Variants in SRPX observed in about 807,000 individuals in gnomAD.
SRPX encodes the protein sushi repeat containing protein X-linked.
In SRPX, 24 loss-of-function variants were observed where a neutral mutation model predicts 38.1. The ratio of observed to expected loss-of-function variants is 0.63; its 90% CI spans 0.46 to 0.89. The LOEUF is 0.89. Among genes scored for constraint, SRPX ranks in the 40% least tolerant of loss-of-function variants. The pLI is 0.00. For missense variants in SRPX, 416 were observed against 377.8 expected (o/e 1.10, Z -0.84); for synonymous variants, 184 against 153.8 (o/e 1.20, Z -1.45).
At chrX:38,219,357 C>T (rs1372224642) in intron 1 of SRPX, among the ~76,000 whole-genome samples, 4 of 110,628 alleles carry the variant, frequency 3.6e-5, no homozygotes, top group Non-Finnish European at 7.6e-5. Flanking sequence ...CAGAAAGCTG[C>T]TTCTGGGACG....
rs942614511 is a variant in SRPX, at chrX:38,199,363, G to C, written c.98-21019C>G. Among the ~76,000 whole-genome samples the C allele has an allele frequency of 2.7e-5, 3 of 110,938 alleles. No individual in the cohort carries two copies. The Admixed American group carries it at 2.9e-4, about 11-fold the overall frequency. Reference sequence around the variant, plus strand: ...GGAGCTTGCAGTGAGCCGAGATCGCGCCACTGCACTCCAGCCTGGGCGACA... The same window carrying C: ...GGAGCTTGCAGTGAGCCGAGATCGCCCCACTGCACTCCAGCCTGGGCGACA... On this transcript the variant is annotated intron_variant, in intron 1 of 9. Coordinates refer to ENST00000378533, the MANE Select transcript of SRPX (RefSeq NM_006307.5).
intron 3 of SRPX, among the ~76,000 whole-genome samples, chrX:38,173,446 C>CT (rs1555948920): frequency 9.2e-6 from 1 of 109,017 alleles, no homozygotes; most frequent in African/African-American, 3.3e-5. Context: ...TGGGAGAACA[C>CT]TTTTTTTTTC....
At chrX:38,178,235 G>T (rs200133812) in intron 2 of SRPX, 50 bp downstream of exon 2, 2 of 1,066,163 alleles carry the variant, frequency 1.9e-6, no homozygotes, top group Non-Finnish European at 2.6e-6. Context: ...AAAAAGGAAA[G>T]TTCTCCTGGC....
intron 1 of SRPX, among the ~76,000 whole-genome samples, chrX:38,189,651 G>A (rs1277175626): frequency 1.8e-5 from 2 of 111,580 alleles, no homozygotes; most frequent in Non-Finnish European, 3.8e-5. Context: ...TTCCTTTCTT[G>A]TGTTTAAAGC....
intron 8 of SRPX, among the ~76,000 whole-genome samples, chrX:38,155,030 A>G (rs1938105956): frequency 9.0e-6 from 1 of 110,951 alleles, no homozygotes; most frequent in Admixed American, 9.6e-5. Context: ...AAGAGGATAA[A>G]AGGTTCCAAG....
At chrX:38,164,573 C>T (rs1377125193) in intron 5 of SRPX, among the ~76,000 whole-genome samples, 196 bp downstream of exon 5, 1 of 112,417 alleles carries the variant, frequency 8.9e-6, no homozygotes. Flanking sequence ...GCATTAAGGA[C>T]ATAGCAGTGA....
intron 5 of SRPX, among the ~76,000 whole-genome samples, chrX:38,163,155 T>G (rs1938297992): frequency 8.9e-6 from 1 of 112,573 alleles, no homozygotes; most frequent in Non-Finnish European, 1.9e-5. Context: ...CAGCAAATAA[T>G]TTTTTAATGG....
chrX:38,158,537 A>G, intron 7 of SRPX, among the ~76,000 whole-genome samples: 1 of 111,896 alleles, frequency 8.9e-6, no homozygotes, highest in Non-Finnish European at 1.9e-5. Flanking sequence ...GCTAGGTACT[A>G]GGATGTCACA....
intron 1 of SRPX, among the ~76,000 whole-genome samples, chrX:38,205,022 C>T (rs761388794): frequency 1.8e-5 from 2 of 111,436 alleles, no homozygotes; most frequent in African/African-American, 6.5e-5. Context: ...GAGACACCCA[C>T]GTCCACTTGA....
At chrX:38,150,537 C>A (rs775913057) in intron 9 of SRPX, among the ~76,000 whole-genome samples, 29 of 112,040 alleles carry the variant, frequency 2.6e-4, no homozygotes, top group African/African-American at 9.1e-4. Context: ...CAATGCACAG[C>A]CAACTGTCCC....
chrX:38,179,266 G>A (rs1364639372), intron 1 of SRPX, among the ~76,000 whole-genome samples: 1 of 112,085 alleles, frequency 8.9e-6, no homozygotes, highest in Non-Finnish European at 1.9e-5. Context: ...CTTAATGAGC[G>A]TTGCTACCAA....
chrX:38,161,993 G>A (rs1277324963), intron 5 of SRPX, among the ~76,000 whole-genome samples: 1 of 112,195 alleles, frequency 8.9e-6, no homozygotes, highest in African/African-American at 3.2e-5. Context: ...GGTGGGTGAG[G>A]TGGCTGTTTA....
intron 9 of SRPX, among the ~76,000 whole-genome samples, chrX:38,151,731 G>A (rs1444913725): frequency 9.0e-6 from 1 of 111,291 alleles, no homozygotes; most frequent in Admixed American, 9.5e-5. Flanking sequence ...ACACAAAATC[G>A]GGGATGAGGT....
In SRPX at chrX:38,171,898, C is replaced by A. The variant is rs184096904; in HGVS notation, c.509G>T (p.Arg170Leu). 1.7e-6 allele frequency: 2 copies of A among 1,209,602 alleles called. No homozygotes were observed. The highest frequency in any genetic ancestry group is 2.2e-6 in the Non-Finnish European group (2 of 895,118). The change falls in exon 4 of 10, where the codon CGG becomes CTG. Residue 170 changes from arginine (R) to leucine (L), a missense_variant. Arg to Leu is a moderately radical substitution (Grantham distance 102). Coordinates refer to ENST00000378533, the MANE Select transcript of SRPX (RefSeq NM_006307.5). Reference protein sequence around the residue: ...TCMDNKAWSGRPASCVDMEPP... With the variant: ...TCMDNKAWSGLPASCVDMEPP... Reference sequence around the variant, plus strand: ...TTTCTTACCCACACAGGAGGCTGGCCGGCCGCTCCAGGCCTTGTTGTCCAT... The same window carrying A: ...TTTCTTACCCACACAGGAGGCTGGCAGGCCGCTCCAGGCCTTGTTGTCCAT...
intron 3 of SRPX, among the ~76,000 whole-genome samples, chrX:38,172,286 T>C (rs1160204362): frequency 8.9e-6 from 1 of 111,819 alleles, no homozygotes; most frequent in Non-Finnish European, 1.9e-5. Context: ...AAACCCCATC[T>C]CTACTAAAAG....
At chrX:38,216,897 C>T (rs1278857818) in intron 1 of SRPX, among the ~76,000 whole-genome samples, 1 of 112,430 alleles carries the variant, frequency 8.9e-6, no homozygotes, top group Non-Finnish European at 1.9e-5. Flanking sequence ...TGCAGTCAGT[C>T]TCTCATCTTA....
chrX:38,207,122 C>G (rs924090948), intron 1 of SRPX, among the ~76,000 whole-genome samples: 3 of 112,254 alleles, frequency 2.7e-5, no homozygotes, highest in Non-Finnish European at 5.6e-5. Flanking sequence ...ATTAAAACAG[C>G]ATGTGGCTTG....
intron 5 of SRPX, among the ~76,000 whole-genome samples, chrX:38,163,202 A>G (rs1454408793): frequency 8.9e-6 from 1 of 112,625 alleles, no homozygotes; most frequent in Non-Finnish European, 1.9e-5. Flanking sequence ...ATGGGAGAGC[A>G]TAACTAGTAA....
chrX:38,174,368 C>A lies in SRPX; in HGVS notation c.158-17G>T. On this transcript the variant is annotated splice_polypyrimidine_tract_variant and intron_variant, in intron 2 of 9. Transcript: ENST00000378533. ...ACGGGGTATCTACAAGTAGCAGAAA[C>A]AAAAGAGGAGATAAATATGAAATGA... 1 of 1,001,957 alleles carries A rather than the reference C, an allele frequency of 1.0e-6. No individual in the cohort carries two copies. The allele number at this position is 1,001,957 out of a possible 1,213,427, so 82.6% of individuals were successfully genotyped here.
Sources: gnomAD v4.1 joint callset for allele counts (sites outside exome capture counted in the v4.1 genomes callset) on GRCh38, gnomAD v4.1.1 for gene constraint, MANE v1.5 for transcripts, NCBI Gene and HGNC (gene_info 2026-07-23, HGNC 2026-07-21) for gene names.